The following UBXN8 variants were observed in gnomAD, a reference collection of about 807,000 sequenced individuals.
The protein encoded by UBXN8 is UBX domain-containing protein 8.
Under a neutral mutation model 32.1 loss-of-function variants are expected in UBXN8, and 27 were observed. That is an observed-to-expected ratio of 0.84 (90% confidence interval 0.62 to 1.16). The LOEUF (loss-of-function observed/expected upper bound fraction) is 1.16. UBXN8 is among the 50% of genes most tolerant of loss of function. UBXN8 has a pLI of 0.00. For missense variants in UBXN8, 306 were observed against 311.4 expected (o/e 0.98, Z 0.13); for synonymous variants, 109 against 111.8 (o/e 0.98, Z 0.16).
At chr8:30,732,551 G>C (rs1371332194), upstream of UBXN8, 1 of 305,938 alleles carries the variant, frequency 3.3e-6, no homozygotes, top group African/African-American at 2.2e-5. Context: ...CTTTGTATGA[G>C]GTCACAAAGG....
At chr8:30,747,887 A>ATT (rs1449255462) in intron 1 of UBXN8, among the ~76,000 whole-genome samples, 14 of 40,724 alleles carry the variant, frequency 3.4e-4, no homozygotes, top group Admixed American at 2.3e-3. Context: ...TTTAATATAT[A>ATT]TTTTTTCTTT....
At chr8:30,757,579 G>C (rs952535233) in intron 5 of UBXN8, among the ~76,000 whole-genome samples, 2 of 145,640 alleles carry the variant, frequency 1.4e-5, no homozygotes, top group African/African-American at 5.2e-5. Flanking sequence ...AAACAAAAAG[G>C]GCTGGGCATG....
Position 30,736,495 on chromosome 8 carries a change from C to T in UBXN8, c.622+3187C>T, listed in dbSNP as rs374158378. On this transcript the variant is annotated intron_variant, in intron 1 of 1. Coordinates refer to the UBXN8 transcript ENST00000522968. The stretch of plus-strand genomic sequence containing the variant: ...ATTTTTACTTTTTATTTTTTTGAGA[C>T]GGAGTTTCGCTCTTATCTCCCAGGC... Among the ~76,000 whole-genome samples the T allele has an allele frequency of 3.9e-5, 6 of 152,052 alleles. No individual in the cohort carries two copies. In the East Asian group the frequency reaches 7.7e-4, roughly 20 times the overall value.
upstream of UBXN8, among the ~76,000 whole-genome samples, chr8:30,729,237 G>GGTGGAACGCCTAGTCAGAGCAGTGC (rs1804892826): frequency 6.6e-6 from 1 of 152,234 alleles, no homozygotes; most frequent in East Asian, 1.9e-4. Flanking sequence ...CAATTGCCCC[G>GGTGGAACGCCTAGTCAGAGCAGTGC]GTGGAACGCC....
chr8:30,758,877 TTTTGTTTG>T (rs1365337715), intron 5 of UBXN8, among the ~76,000 whole-genome samples: 6 of 125,926 alleles, frequency 4.8e-5, no homozygotes, highest in East Asian at 2.3e-4. Flanking sequence ...CAAATGTTTT[TTTTGTTTG>T]TTTTTTTTGT....
At chr8:30,758,110 A>C (rs1489222889) in intron 5 of UBXN8, among the ~76,000 whole-genome samples, 6 of 151,940 alleles carry the variant, frequency 3.9e-5, no homozygotes, top group Non-Finnish European at 5.9e-5. Context: ...GTTAGCCAGG[A>C]TGGTCTCAAT....
intron 5 of UBXN8, among the ~76,000 whole-genome samples, chr8:30,757,160 A>T (rs1171711036): frequency 6.6e-6 from 1 of 151,522 alleles, no homozygotes; most frequent in East Asian, 1.9e-4. Flanking sequence ...CTCTATTTAA[A>T]AAAAAAAAAA....
At chr8:30,730,937 G>A (rs968591510), upstream of UBXN8, among the ~76,000 whole-genome samples, 6 of 152,212 alleles carry the variant, frequency 3.9e-5, no homozygotes, top group African/African-American at 7.2e-5. Context: ...AAGGAAAACC[G>A]CAGAGAGAAT....
At chr8:30,764,154 G>A (rs895048978) in intron 7 of UBXN8, among the ~76,000 whole-genome samples, 3 of 152,182 alleles carry the variant, frequency 2.0e-5, no homozygotes, top group African/African-American at 7.2e-5. Context: ...ATATAATTAT[G>A]TGTGCATTAA....
At chr8:30,749,668 C>T (rs1404683183) in intron 1 of UBXN8, among the ~76,000 whole-genome samples, 3 of 150,652 alleles carry the variant, frequency 2.0e-5, no homozygotes, top group South Asian at 2.1e-4. Flanking sequence ...TGCCATGGCA[C>T]GATCTTGGCT....
intron 1 of UBXN8, among the ~76,000 whole-genome samples, chr8:30,744,841 G>A (rs190579059): frequency 4.6e-5 from 7 of 152,334 alleles, no homozygotes; most frequent in Admixed American, 3.9e-4. Flanking sequence ...CACGTTGGAG[G>A]AAAAGGTGAA....
chr8:30,745,517 A>G (rs1163381382), intron 1 of UBXN8, among the ~76,000 whole-genome samples: 1 of 152,078 alleles, frequency 6.6e-6, no homozygotes, highest in East Asian at 1.9e-4. Context: ...CTTTCTCCAC[A>G]TTTTCTCCCT....
chr8:30,741,480 T>C (rs1462085509), upstream of UBXN8, among the ~76,000 whole-genome samples: 2 of 89,006 alleles, frequency 2.2e-5, no homozygotes, highest in African/African-American at 7.8e-5. Context: ...TTTTTGAAAC[T>C]GAGTCTCACT....
chr8:30,753,287 C>T (rs971443204), intron 3 of UBXN8, among the ~76,000 whole-genome samples, 182 bp downstream of exon 3: 5 of 152,072 alleles, frequency 3.3e-5, no homozygotes, highest in African/African-American at 4.8e-5. Flanking sequence ...AATGGAGTCT[C>T]GCTGTGTCAC....
At chr8:30,735,664 C>G (rs1381065347) in intron 1 of UBXN8, among the ~76,000 whole-genome samples, 1 of 152,170 alleles carries the variant, frequency 6.6e-6, no homozygotes, top group Non-Finnish European at 1.5e-5. Flanking sequence ...CATGGTGAAA[C>G]CCTGTCTCTA....
chr8:30,751,503 C>T lies in UBXN8; in HGVS notation c.196C>T (p.Gln66Ter), dbSNP rs1805522523. 1 of 1,602,602 alleles carries T rather than the reference C, an allele frequency of 6.2e-7. No individual in the cohort carries two copies. The highest frequency in any genetic ancestry group is 1.7e-5 in the Admixed American group (1 of 57,784). Residue 66 changes from glutamine (Q) to a stop codon, truncating the protein, a stop_gained, in exon 2 of 8, where the codon CAA becomes TAA. Coordinates refer to ENST00000265616, the MANE Select transcript of UBXN8 (RefSeq NM_005671.4). LOFTEE classifies it high-confidence loss of function. ...ATGGCTTAACTCATTTAAATCTCCC[C>T]AAGTTTATCTGAAGGGTAAGTTTAT... The part of the protein sequence containing the change: ...TSWLNSFKSP[Q>*]VYLKEEEEKN...
At chr8:30,757,642 C>T (rs536249480) in intron 5 of UBXN8, among the ~76,000 whole-genome samples, 11 of 149,590 alleles carry the variant, frequency 7.4e-5, no homozygotes, top group African/African-American at 2.2e-4. Flanking sequence ...GGGTGGATCA[C>T]GAGGTCACGA....
At chr8:30,756,677 T>G (rs1586101355) in intron 4 of UBXN8, 88 bp from the exon 5 acceptor site, 24 of 1,549,984 alleles carry the variant, frequency 1.5e-5, no homozygotes, top group East Asian at 9.1e-5. Flanking sequence ...GCCATCAGGG[T>G]AAAAAAAGGA....
intron 1 of UBXN8, among the ~76,000 whole-genome samples, chr8:30,737,084 A>C (rs1805082211): frequency 2.0e-5 from 3 of 152,234 alleles, no homozygotes; most frequent in Admixed American, 2.0e-4. Flanking sequence ...TATTTAGAAA[A>C]ATAAGAAAAA....
Sources: allele counts gnomAD v4.1 joint callset (sites outside exome capture counted in the v4.1 genomes callset), GRCh38; gene constraint gnomAD v4.1.1; transcripts MANE v1.5; gene names NCBI Gene and HGNC (gene_info 2026-07-23, HGNC 2026-07-21).